EHBP1L1: variants seen among roughly 807,000 people sequenced by gnomAD.
EHBP1L1 encodes the protein EH domain binding protein 1 like 1.
In EHBP1L1, 122 loss-of-function variants were observed where a neutral mutation model predicts 151.1. That is an observed-to-expected ratio of 0.81 (90% CI 0.70 to 0.94). The LOEUF is 0.94. Among genes scored for constraint, EHBP1L1 ranks in the 40% least tolerant of loss-of-function variants. EHBP1L1 has a pLI of 0.00. For synonymous variants in EHBP1L1, 878 were observed against 810.1 expected (o/e 1.08, Z -1.42); for missense variants, 1,941 against 1,959.8 (o/e 0.99, Z 0.18).
chr11:65,577,200 C>T (rs1006392201), intron 1 of EHBP1L1, among the ~76,000 whole-genome samples: 1 of 152,174 alleles, frequency 6.6e-6, no homozygotes, highest in African/African-American at 2.4e-5. Flanking sequence ...TGTCAGCTTC[C>T]CTTGGCTGGA....
chr11:65,583,948 C>A, intron 9 of EHBP1L1, 183 bp downstream of exon 9: 1 of 1,416,048 alleles, frequency 7.1e-7, no homozygotes, highest in Non-Finnish European at 9.2e-7. Flanking sequence ...CCCCATCTTC[C>A]CTGGGCCGCA....
rs1403015003 is a variant in EHBP1L1 at position 65,579,047 on chromosome 11, C to T, written c.105-31C>T. The T allele has an allele frequency of 2.6e-6, 4 of 1,559,980 alleles. No homozygotes were observed. In the Admixed American group the frequency reaches 5.7e-5, roughly 22 times the overall value. ...GGTGAGCCTGACCAAGCAGCCTGCT[C>T]CCTTTCTCCCTCCCCTTCCCCCTCC... On this transcript the variant is annotated intron_variant, in intron 1 of 18. Transcript: ENST00000309295.
In EHBP1L1 at chr11:65,582,839, A is replaced by C; in HGVS notation, c.2167A>C (p.Ile723Leu). The C allele has an allele frequency of 6.2e-7, 1 of 1,613,298 alleles. No individual in the cohort carries two copies. Among genetic ancestry groups the C allele is most frequent in the Non-Finnish European group, 8.5e-7 (1 of 1,179,752 alleles). Residue 723 changes from isoleucine to leucine, a missense_variant, in exon 9 of 19, where the codon ATA becomes CTA. Ile to Leu is a conservative substitution (Grantham distance 5). Coordinates refer to ENST00000309295, the MANE Select transcript of EHBP1L1 (RefSeq NM_001099409.3). ...AGAGGCTGAGGGGACAGAAGCTAAA[A>C]TATTAGGGACCCAGGAGATAACAGC... is the stretch of plus-strand genomic sequence containing the variant. ...ESEAEGTEAKILGTQEITARD... is the reference protein window; with the variant it reads ...ESEAEGTEAKLLGTQEITARD...
chr11:65,584,429 G>C (rs780449958), intron 10 of EHBP1L1, 31 bp downstream of exon 10: 1 of 1,613,602 alleles, frequency 6.2e-7, no homozygotes, highest in Non-Finnish European at 8.5e-7. Context: ...GAACGAATGG[G>C]GGAGCCATCA....
Position 65,585,073 on chromosome 11 carries a change from G to A in EHBP1L1, c.3415G>A (p.Ala1139Thr). ...CATGACGTACCTGTGCCAGATCCGC[G>A]CCTTCTGCACCGGGCAGGAGCTGCA... ...IVMTYLCQIR[A>T]FCTGQELQLV... is the part of the protein sequence containing the mutation. Residue 1139 changes from alanine to threonine, a missense_variant, in exon 12 of 19, where the codon GCC (alanine) becomes ACC (threonine). By Grantham distance (58) the Ala-to-Thr change is moderately conservative (BLOSUM62 0). Transcript: ENST00000309295. The surrounding 1 kb of genome is among the most constrained non-coding windows in gnomAD (Gnocchi z 4.0). The A allele has an allele frequency of 6.5e-7, 1 of 1,543,760 alleles. No homozygotes were observed. The highest frequency in any genetic ancestry group is 1.2e-5 in the South Asian group (1 of 84,512).
At chr11:65,577,216 G>A (rs1857374463) in intron 1 of EHBP1L1, among the ~76,000 whole-genome samples, 1 of 152,044 alleles carries the variant, frequency 6.6e-6, no homozygotes, top group African/African-American at 2.4e-5. Flanking sequence ...CTGGATTAGG[G>A]CACAGCTGTG....
intron 11 of EHBP1L1, 175 bp from the exon 12 acceptor site, chr11:65,584,784 T>C: frequency 9.8e-7 from 1 of 1,025,028 alleles, no homozygotes; most frequent in Admixed American, 2.7e-5. Flanking sequence ...GTGCCGTTGC[T>C]AAGCAACGCG....
chr11:65,584,423 G>A, intron 10 of EHBP1L1, 25 bp downstream of exon 10: 2 of 1,613,528 alleles, frequency 1.2e-6, no homozygotes, highest in South Asian at 1.1e-5. Flanking sequence ...GGGTGGGAAC[G>A]AATGGGGGAG....
chr11:65,587,284 A>G (rs1461760233), intron 12 of EHBP1L1, among the ~76,000 whole-genome samples: 2 of 151,938 alleles, frequency 1.3e-5, no homozygotes, highest in Non-Finnish European at 2.9e-5. Flanking sequence ...GAGGCAGGGG[A>G]ATTGTTTGAA....
chr11:65,579,981 A>C lies in EHBP1L1; in HGVS notation c.304A>C (p.Ile102Leu). 6.2e-7 allele frequency: 1 copy of C among 1,613,856 alleles called. No homozygotes were observed. The highest frequency in any genetic ancestry group is 8.5e-7 in the Non-Finnish European group (1 of 1,179,872). ...TGAGGCCAAAGAGTGGACATTTATTATTGAAAATGTGAGTGTCTGGAGTGG... is the reference window on the plus strand; with the variant it reads ...TGAGGCCAAAGAGTGGACATTTATTCTTGAAAATGTGAGTGTCTGGAGTGG... ...QYEAKEWTFI[I>L]ENESKGQRKV... Residue 102 changes from isoleucine (I) to leucine (L), a missense_variant, in exon 4 of 19, where the codon ATT becomes CTT. By Grantham distance (5) the Ile-to-Leu change is conservative. Transcript: ENST00000309295.
chr11:65,576,487 C>G, intron 1 of EHBP1L1, 81 bp downstream of exon 1: 2 of 1,312,624 alleles, frequency 1.5e-6, no homozygotes, highest in South Asian at 1.4e-5. Flanking sequence ...GGACTCTGCC[C>G]CCCCAGCCCA....
rs1857730011 is a variant in EHBP1L1, at chr11:65,583,182, A to C, written c.2510A>C (p.Glu837Ala). Residue 837 changes from glutamate to alanine, a missense_variant, in exon 9 of 19, where the codon GAG becomes GCG. Transcript: ENST00000309295. ...RSSGVPGLES[E>A]VAGAQETEVG... The stretch of plus-strand genomic sequence containing the variant: ...TCAGGGGTCCCAGGGCTAGAATCTG[A>C]GGTAGCTGGGGCCCAGGAGACAGAG... The C allele has an allele frequency of 3.7e-6, 6 of 1,613,312 alleles. No individual in the cohort carries two copies. The highest frequency in any genetic ancestry group is 5.1e-6 in the Non-Finnish European group (6 of 1,179,794).
intron 6 of EHBP1L1, 80 bp downstream of exon 6, chr11:65,580,559 TGCCC>T (rs1857548773): frequency 6.5e-7 from 1 of 1,543,904 alleles, no homozygotes; most frequent in South Asian, 1.2e-5. Flanking sequence ...CCACTTGCTG[TGCCC>T]GCCCTGTGAT....
chr11:65,582,956 CT>C lies in EHBP1L1; in HGVS notation c.2285del (p.Leu762ArgfsTer3), dbSNP rs1453840271. Reference sequence around the variant, plus strand: ...GATAGAGGTGGGACTTTTGGGGGTTCTGGGAATAGAGACTGGGGCAGCAGAA... The same window carrying C: ...GATAGAGGTGGGACTTTTGGGGGTTCGGGAATAGAGACTGGGGCAGCAGAA... ...QEIEVGLLGV[L>X]GIETGAAEGA... On this transcript the variant is annotated frameshift_variant, in exon 9 of 19. Coordinates refer to ENST00000309295, the MANE Select transcript of EHBP1L1 (RefSeq NM_001099409.3). LOFTEE classifies it high-confidence loss of function. 6.2e-6 allele frequency: 10 copies of C among 1,612,774 alleles called. No individual in the cohort carries two copies. Among genetic ancestry groups the C allele is most frequent in the Non-Finnish European group, 8.5e-6 (10 of 1,179,564 alleles).
In EHBP1L1 at chr11:65,592,366, G is replaced by A; in HGVS notation, c.*64G>A. The A allele has an allele frequency of 8.3e-7, 1 of 1,209,220 alleles. No homozygotes were observed. The highest frequency in any genetic ancestry group is 1.0e-6 in the Non-Finnish European group (1 of 965,382). 74.9% of individuals were successfully genotyped at this position (1,209,220 alleles called of 1,614,324 possible). A position where few individuals can be genotyped will look rare whatever the true frequency, so the allele number is the denominator to read the frequency against. On this transcript the variant is annotated 3_prime_UTR_variant, in exon 19 of 19. Coordinates refer to ENST00000309295, the MANE Select transcript of EHBP1L1 (RefSeq NM_001099409.3). ...CGGCGTCCGCCGCCGCCCCGGGCCT[G>A]CGCTGCGGACGACCCGGCCGTCCCG... is the stretch of plus-strand genomic sequence containing the variant.
chr11:65,582,088 T>A lies in EHBP1L1; in HGVS notation c.1416T>A (p.Asp472Glu). The change falls in exon 9 of 19, where the codon GAT (aspartate) becomes GAA (glutamate). Residue 472 changes from aspartate to glutamate, a missense_variant. Asp to Glu is a conservative substitution (Grantham distance 45, BLOSUM62 2). Coordinates refer to ENST00000309295, the MANE Select transcript of EHBP1L1 (RefSeq NM_001099409.3). Reference protein sequence around the residue: ...SQGRLGVRTRDEAPSGLSLPP... With the variant: ...SQGRLGVRTREEAPSGLSLPP... ...GGAGGCTGGGAGTCAGGACCAGGGATGAGGCTCCCTCAGGCCTGAGCCTGC... is the reference window on the plus strand; with the variant it reads ...GGAGGCTGGGAGTCAGGACCAGGGAAGAGGCTCCCTCAGGCCTGAGCCTGC... The A allele has an allele frequency of 6.2e-7, 1 of 1,609,514 alleles. No homozygotes were observed. The highest frequency in any genetic ancestry group is 8.5e-7 in the Non-Finnish European group (1 of 1,178,058).
At chr11:65,588,957 C>G (rs993089060) in intron 12 of EHBP1L1, among the ~76,000 whole-genome samples, 1 of 151,988 alleles carries the variant, frequency 6.6e-6, no homozygotes, top group African/African-American at 2.4e-5. Context: ...GGGGAGGGAG[C>G]CTGGTGGGGC....
rs1206372731 is a variant in EHBP1L1, at chr11:65,582,382, GGAAACAGAGACT to G, written c.1713_1724del (p.Thr572_Glu575del). ...CAGAAGCTGGGGGTTCAGGGGACCT[GGAAACAGAGACT>G]GAGGTGGTAGGGTTGGAGGTGCTGG... On this transcript the variant is annotated inframe_deletion, in exon 9 of 19. Transcript: ENST00000309295. 2 of 1,599,336 alleles carry G rather than the reference GGAAACAGAGACT, an allele frequency of 1.3e-6. No individual in the cohort carries two copies. Among genetic ancestry groups the G allele is most frequent in the Non-Finnish European group, 1.7e-6 (2 of 1,173,528 alleles).
chr11:65,579,935 G>A lies in EHBP1L1; in HGVS notation c.259-1G>A. ...GTACTCACCAGCACCCTTCTTCCCA[G>A]GACCCCCACGTGGACCAGTATGAGG... On this transcript the variant is annotated splice_acceptor_variant, in intron 3 of 18. Transcript: ENST00000309295. LOFTEE classifies it high-confidence loss of function. 1 of 1,613,656 alleles carries A rather than the reference G, an allele frequency of 6.2e-7. No homozygotes were observed. The highest frequency in any genetic ancestry group is 1.1e-5 in the South Asian group (1 of 91,078).
Sources: allele counts gnomAD v4.1 joint callset (sites outside exome capture counted in the v4.1 genomes callset), GRCh38; gene constraint gnomAD v4.1.1; non-coding constraint Gnocchi (gnomAD v3.1); transcripts MANE v1.5; gene names NCBI Gene and HGNC (gene_info 2026-07-23, HGNC 2026-07-21).